The following PCDH11X variants were observed in gnomAD, a reference collection of about 807,000 sequenced individuals.
The protein encoded by PCDH11X is protocadherin-11 X-linked.
In PCDH11X, 18 loss-of-function variants were observed where a neutral mutation model predicts 53.3. That is an observed-to-expected ratio of 0.34 (90% CI 0.23 to 0.50). PCDH11X has a LOEUF of 0.50. PCDH11X is among the 20% of genes least tolerant of loss of function. The pLI is 0.98. For synonymous variants in PCDH11X, 279 were observed against 393.3 expected, an observed-to-expected ratio of 0.71 and a Z score of 3.44; for missense variants, 570 against 1,032.4, an observed-to-expected ratio of 0.55 and a Z score of 6.14.
intron 6 of PCDH11X, among the ~76,000 whole-genome samples, chrX:91,884,209 A>G (rs970794963): frequency 2.6e-4 from 28 of 109,304 alleles, no homozygotes; most frequent in African/African-American, 8.3e-4. Flanking sequence ...AAAAAAAAAA[A>G]AAAGAAAAAA....
intron 10 of PCDH11X, among the ~76,000 whole-genome samples, chrX:92,556,649 A>C (rs2075050468): frequency 9.0e-6 from 1 of 111,724 alleles, no homozygotes; most frequent in Admixed American, 9.5e-5. Flanking sequence ...CTGCTTTCAC[A>C]GGCTGGAATT....
chrX:91,946,855 G>A (rs1262654900), intron 6 of PCDH11X, among the ~76,000 whole-genome samples: 3 of 103,168 alleles, frequency 2.9e-5, no homozygotes, highest in African/African-American at 1.0e-4. Context: ...TCAAATGAAA[G>A]CAGGTCAAGT....
At chrX:92,003,441 T>C (rs1416949712) in intron 6 of PCDH11X, among the ~76,000 whole-genome samples, 1 of 110,643 alleles carries the variant, frequency 9.0e-6, no homozygotes, top group Non-Finnish European at 1.9e-5. Context: ...TTGAAATAGT[T>C]TGAATAGGAT....
At chrX:92,029,326 G>A (rs1430070637) in intron 6 of PCDH11X, among the ~76,000 whole-genome samples, 2 of 111,230 alleles carry the variant, frequency 1.8e-5, no homozygotes, top group South Asian at 3.8e-4. Flanking sequence ...TTATATGCTC[G>A]AATCCTTCTC....
chrX:92,509,321 C>T (rs2074122064), intron 10 of PCDH11X, among the ~76,000 whole-genome samples: 1 of 110,710 alleles, frequency 9.0e-6, no homozygotes, highest in Non-Finnish European at 1.9e-5. Flanking sequence ...CAGATTGGCC[C>T]ACGTTTTAAA....
intron 8 of PCDH11X, among the ~76,000 whole-genome samples, chrX:92,371,181 G>A (rs1209306433): frequency 2.7e-5 from 3 of 109,829 alleles, no homozygotes; most frequent in Non-Finnish European, 5.7e-5. Context: ...GTCTTATAAT[G>A]TCTTATAATT....
chrX:92,185,962 A>G (rs1166593607), intron 6 of PCDH11X, among the ~76,000 whole-genome samples: 2 of 111,741 alleles, frequency 1.8e-5, no homozygotes, highest in Non-Finnish European at 3.8e-5. Flanking sequence ...GTTCCTCAAA[A>G]AAGTACAATA....
At chrX:91,886,691 G>A (rs1378323494) in intron 6 of PCDH11X, among the ~76,000 whole-genome samples, 1 of 108,654 alleles carries the variant, frequency 9.2e-6, no homozygotes. Context: ...TATATACTTG[G>A]CCGGGCGCGG....
chrX:91,874,226 C>T (rs1369458827), intron 5 of PCDH11X, among the ~76,000 whole-genome samples: 2 of 111,487 alleles, frequency 1.8e-5, no homozygotes, highest in Non-Finnish European at 3.8e-5. Flanking sequence ...TCATTAATCA[C>T]TAAATTTGTT....
intron 8 of PCDH11X, among the ~76,000 whole-genome samples, chrX:92,282,185 CAGG>C (rs766147334): frequency 9.0e-6 from 1 of 111,024 alleles, no homozygotes; most frequent in East Asian, 2.8e-4. Context: ...TTTAATTCCA[CAGG>C]AGCTGTCTAG....
intron 6 of PCDH11X, among the ~76,000 whole-genome samples, chrX:92,045,269 T>C (rs903176845): frequency 3.9e-5 from 4 of 103,710 alleles, no homozygotes; most frequent in Non-Finnish European, 5.8e-5. Context: ...AACAAAGGCA[T>C]ATAATTATAA....
chrX:91,963,552 TTCAAAC>T (rs1199425928), intron 6 of PCDH11X, among the ~76,000 whole-genome samples: 1 of 111,567 alleles, frequency 9.0e-6, no homozygotes, highest in African/African-American at 3.3e-5. Context: ...TCTAGGAAGT[TTCAAAC>T]TTTCCCACCT....
chrX:91,873,433 A>C (rs1342918165), intron 5 of PCDH11X, among the ~76,000 whole-genome samples: 1 of 111,500 alleles, frequency 9.0e-6, no homozygotes, highest in Non-Finnish European at 1.9e-5. Context: ...AGTAGTTGTG[A>C]AAGACAGAAT....
At chrX:92,398,164 C>T (rs1224855477) in intron 9 of PCDH11X, among the ~76,000 whole-genome samples, 10 of 111,748 alleles carry the variant, frequency 8.9e-5, no homozygotes, top group Non-Finnish European at 1.5e-4. Context: ...ACAAACTGAG[C>T]CCAATTCAAT....
rs185260135 is a variant in PCDH11X at position 91,867,410 on chromosome X, G to T, written c.541-9371G>T. Among the ~76,000 whole-genome samples the T allele has an allele frequency of 6.4e-3, 706 of 109,778 alleles. 11 individuals are homozygous for T. The highest frequency in any genetic ancestry group is 8.2e-3 in the Non-Finnish European group (434 of 52,668). ...CAGTAGTTATGCTTACAGAAAATTG[G>T]TGGCATTTTTCCTATCAATGAGTTG... On this transcript the variant is annotated intron_variant, in intron 5 of 10. Transcript: ENST00000682573.
At chrX:92,537,153 CTTTG>C (rs2074673319) in intron 10 of PCDH11X, among the ~76,000 whole-genome samples, 1 of 109,356 alleles carries the variant, frequency 9.1e-6, no homozygotes, top group African/African-American at 3.3e-5. Flanking sequence ...TGTCTTTTAA[CTTTG>C]TTTATTATTT....
At chrX:92,338,221 C>A (rs1295304014) in intron 8 of PCDH11X, among the ~76,000 whole-genome samples, 6 of 111,787 alleles carry the variant, frequency 5.4e-5, no homozygotes, top group African/African-American at 1.6e-4. Context: ...AAATAACTGT[C>A]TTAAGTAAAT....
At chrX:91,898,499 A>G (rs1362062097) in intron 6 of PCDH11X, among the ~76,000 whole-genome samples, 1 of 109,299 alleles carries the variant, frequency 9.1e-6, no homozygotes, top group Admixed American at 1.0e-4. Context: ...TTGTAGGTGA[A>G]TGTACTTTTA....
intron 8 of PCDH11X, among the ~76,000 whole-genome samples, chrX:92,371,861 T>G (rs150397202): frequency 0.014 from 1,509 of 111,108 alleles, 26 homozygotes; most frequent in African/African-American, 0.047. Context: ...TTAGGTACTT[T>G]TGGGTATATA....
Sources: allele counts gnomAD v4.1 joint callset (sites outside exome capture counted in the v4.1 genomes callset), GRCh38; gene constraint gnomAD v4.1.1; transcripts MANE v1.5; gene names NCBI Gene and HGNC (gene_info 2026-07-23, HGNC 2026-07-21).